CNOT4: variants seen among roughly 807,000 people sequenced by gnomAD.
CNOT4 encodes CCR4-associated factor 4.
CNOT4 carries 8 observed loss-of-function variants against 73.8 expected under a neutral mutation model. That is an observed-to-expected ratio of 0.11 (90% CI 0.06 to 0.20). The LOEUF is 0.20. Among genes scored for constraint, CNOT4 ranks in the 10% least tolerant of loss-of-function variants. The pLI is 1.00. For synonymous variants in CNOT4, 293 were observed against 321.1 expected, an observed-to-expected ratio of 0.91 and a Z score of 0.94; for missense variants, 564 against 883.4, an observed-to-expected ratio of 0.64 and a Z score of 4.58.
At chr7:135,444,739 C>G (rs1010445542) in intron 1 of CNOT4, 1 of 1,419,542 alleles carries the variant, frequency 7.0e-7, no homozygotes, top group African/African-American at 1.4e-5. Flanking sequence ...TATTCCCTGG[C>G]TGCGACCCTC....
intron 10 of CNOT4, among the ~76,000 whole-genome samples, chr7:135,365,109 G>T (rs1355202977): frequency 6.6e-6 from 1 of 152,210 alleles, no homozygotes; most frequent in East Asian, 1.9e-4. Context: ...CACGATCTAT[G>T]CTGCTTAGCA....
chr7:135,389,533 CTGATTA>C (rs1230767143), intron 10 of CNOT4, among the ~76,000 whole-genome samples: 1 of 152,010 alleles, frequency 6.6e-6, no homozygotes, highest in Non-Finnish European at 1.5e-5. Context: ...ATCGGTTCTC[CTGATTA>C]TAACTGAAAA....
At chr7:135,372,594 T>C (rs1174501957) in intron 10 of CNOT4, among the ~76,000 whole-genome samples, 3 of 148,654 alleles carry the variant, frequency 2.0e-5, no homozygotes, top group Non-Finnish European at 3.0e-5. Flanking sequence ...TCTCGCTGCG[T>C]CGCTCAGCCT....
chr7:135,438,448 T>C (rs1799285265), intron 1 of CNOT4, 25 bp from the exon 2 acceptor site: 2 of 741,838 alleles, frequency 2.7e-6, no homozygotes, highest in African/African-American at 1.8e-5. Context: ...ACAAAATACA[T>C]TGTTTACTAC....
At chr7:135,506,758 G>T (rs1585751136) in intron 1 of CNOT4, among the ~76,000 whole-genome samples, 1 of 151,784 alleles carries the variant, frequency 6.6e-6, no homozygotes, top group African/African-American at 2.4e-5. Context: ...TGAGGCAGGA[G>T]AATCGCTTGA....
intron 1 of CNOT4, among the ~76,000 whole-genome samples, chr7:135,472,551 AT>A (rs1801701010): frequency 1.0e-5 from 1 of 99,510 alleles, no homozygotes; most frequent in Non-Finnish European, 2.0e-5. Flanking sequence ...ATATATATAT[AT>A]ATATATAAAG....
intron 1 of CNOT4, among the ~76,000 whole-genome samples, chr7:135,446,338 G>A (rs1237370436): frequency 2.0e-5 from 3 of 152,158 alleles, no homozygotes; most frequent in Non-Finnish European, 2.9e-5. Flanking sequence ...GAAACAGACA[G>A]TGGTGATAGT....
intron 1 of CNOT4, among the ~76,000 whole-genome samples, chr7:135,465,269 T>C (rs1801146350): frequency 6.6e-6 from 1 of 152,212 alleles, no homozygotes; most frequent in Non-Finnish European, 1.5e-5. Flanking sequence ...TACTGTTAGA[T>C]TGGATCTCCC....
At chr7:135,442,765 T>C (rs1799564531) in intron 1 of CNOT4, among the ~76,000 whole-genome samples, 1 of 151,368 alleles carries the variant, frequency 6.6e-6, no homozygotes. Context: ...GGAAAAAAAA[T>C]ATTCATTTTT....
intron 6 of CNOT4, among the ~76,000 whole-genome samples, chr7:135,411,684 G>A (rs559741570): frequency 4.6e-5 from 7 of 152,054 alleles, no homozygotes; most frequent in African/African-American, 1.7e-4. Flanking sequence ...CTTACCTTCA[G>A]GGATGTTAAT....
intron 2 of CNOT4, 121 bp from the exon 3 acceptor site, chr7:135,422,474 T>A: frequency 3.5e-6 from 2 of 571,146 alleles, no homozygotes; most frequent in South Asian, 5.6e-5. Context: ...TTTATTAGAA[T>A]GTTTTAACTG....
At chr7:135,372,120 C>A (rs1309482033) in intron 10 of CNOT4, among the ~76,000 whole-genome samples, 1 of 152,222 alleles carries the variant, frequency 6.6e-6, no homozygotes, top group Admixed American at 6.5e-5. Flanking sequence ...ACCCTAACAT[C>A]TCTGAAGTCT....
At chr7:135,488,833 T>C (rs1266995691) in intron 1 of CNOT4, among the ~76,000 whole-genome samples, 1 of 152,124 alleles carries the variant, frequency 6.6e-6, no homozygotes, top group Admixed American at 6.5e-5. Flanking sequence ...TAATTTCAAA[T>C]TCCCTTTTCA....
intron 10 of CNOT4, among the ~76,000 whole-genome samples, chr7:135,377,715 G>A (rs1471881914): frequency 2.0e-5 from 3 of 152,058 alleles, no homozygotes; most frequent in Non-Finnish European, 4.4e-5. Context: ...CTAAGGGGCC[G>A]TAGTTTAAAA....
chr7:135,418,961 G>A (rs1209407753), intron 3 of CNOT4, among the ~76,000 whole-genome samples: 1 of 152,090 alleles, frequency 6.6e-6, no homozygotes, highest in Non-Finnish European at 1.5e-5. Context: ...CTTGTGTCTG[G>A]CTTGCTAACT....
At chr7:135,462,961 C>T (rs1269302816) in intron 1 of CNOT4, among the ~76,000 whole-genome samples, 1 of 152,278 alleles carries the variant, frequency 6.6e-6, no homozygotes, top group East Asian at 1.9e-4. Flanking sequence ...GCCAGTTATC[C>T]CAGCACCATT....
At chr7:135,476,121 T>C (rs1801977064) in intron 1 of CNOT4, among the ~76,000 whole-genome samples, 1 of 152,092 alleles carries the variant, frequency 6.6e-6, no homozygotes, top group Admixed American at 6.5e-5. Flanking sequence ...AAAAGATACA[T>C]CACTACAATA....
chr7:135,488,020 C>A (rs1372006174), intron 1 of CNOT4, among the ~76,000 whole-genome samples: 2 of 151,820 alleles, frequency 1.3e-5, no homozygotes, highest in Non-Finnish European at 2.9e-5. Context: ...GAGATAGCGC[C>A]ACTGCACTCC....
intron 1 of CNOT4, among the ~76,000 whole-genome samples, chr7:135,502,423 AATT>A (rs1220579851): frequency 6.6e-6 from 1 of 152,146 alleles, no homozygotes; most frequent in African/African-American, 2.4e-5. Context: ...GGACAGTGCT[AATT>A]ATATCATTAT....
Sources: gnomAD v4.1 joint callset for allele counts (sites outside exome capture counted in the v4.1 genomes callset) on GRCh38, gnomAD v4.1.1 for gene constraint, MANE v1.5 for transcripts, NCBI Gene and HGNC (gene_info 2026-07-23, HGNC 2026-07-21) for gene names.